The following MTUS1 variants were observed in gnomAD, a reference collection of about 807,000 sequenced individuals.
MTUS1 encodes microtubule-associated tumor suppressor 1.
In MTUS1, 109 loss-of-function variants were observed where a neutral mutation model predicts 120.8. That is an observed-to-expected ratio of 0.90 (90% CI 0.77 to 1.06). The LOEUF is 1.06. Ranked by LOEUF, MTUS1 falls within the 50% of genes least tolerant of loss-of-function variation. The probability of loss-of-function intolerance (pLI) is 0.00; values close to 1 mark genes in which losing one functional copy is unlikely to be tolerated. For missense variants in MTUS1, 2,210 were observed against 1,486.3 expected (o/e 1.49, Z -8.01); for synonymous variants, 737 against 550.5 (o/e 1.34, Z -4.74).
At chr8:17,798,011 T>C (rs1255255840) in intron 1 of MTUS1, among the ~76,000 whole-genome samples, 1 of 152,174 alleles carries the variant, frequency 6.6e-6, no homozygotes, top group African/African-American at 2.4e-5. Context: ...TGCAGTACAT[T>C]TGTCTGGACA....
intron 8 of MTUS1, among the ~76,000 whole-genome samples, chr8:17,660,149 G>C (rs1809360100): frequency 6.6e-6 from 1 of 152,162 alleles, no homozygotes; most frequent in Non-Finnish European, 1.5e-5. Flanking sequence ...AAGGCAAGCA[G>C]ATCGCTTGAG....
chr8:17,744,526 T>C (rs2047584325), intron 2 of MTUS1, among the ~76,000 whole-genome samples: 3 of 152,134 alleles, frequency 2.0e-5, no homozygotes. Flanking sequence ...GTTCAAGTGA[T>C]TCTCCTGCCT....
chr8:17,796,206 C>T (rs1317596609), intron 1 of MTUS1, among the ~76,000 whole-genome samples: 2 of 1,512 alleles, frequency 1.3e-3, no homozygotes, highest in African/African-American at 5.2e-3. Context: ...TTGGCTTGGC[C>T]TCCCAAAGTG....
chr8:17,775,048 C>T (rs960590247), intron 1 of MTUS1, among the ~76,000 whole-genome samples: 1 of 145,888 alleles, frequency 6.9e-6, no homozygotes, highest in Non-Finnish European at 1.5e-5. Flanking sequence ...CTGGAGTAGT[C>T]AAATGAATAG....
intron 12 of MTUS1, among the ~76,000 whole-genome samples, chr8:17,650,606 A>C (rs1806774084): frequency 6.6e-6 from 1 of 152,186 alleles, no homozygotes; most frequent in Admixed American, 6.6e-5. Flanking sequence ...GCTACTCAGG[A>C]GGCTGAGGCG....
At chr8:17,796,510 T>A (rs1008895715) in intron 1 of MTUS1, among the ~76,000 whole-genome samples, 1 of 152,208 alleles carries the variant, frequency 6.6e-6, no homozygotes, top group South Asian at 2.1e-4. Context: ...CTTCCTTGAT[T>A]GTGTAACATT....
intron 7 of MTUS1, among the ~76,000 whole-genome samples, chr8:17,682,044 G>A (rs1176911279): frequency 3.3e-5 from 5 of 152,028 alleles, no homozygotes; most frequent in South Asian, 4.2e-4. Flanking sequence ...TTTACATTTC[G>A]AATGCTCAGT....
At chr8:17,776,741 C>A (rs1027589592) in intron 1 of MTUS1, among the ~76,000 whole-genome samples, 4 of 139,824 alleles carry the variant, frequency 2.9e-5, no homozygotes, top group Non-Finnish European at 1.6e-5. Context: ...AGAAAGCATT[C>A]AATAAATGTT....
intron 7 of MTUS1, chr8:17,676,118 C>T (rs55645991): frequency 0.024 from 14,562 of 605,326 alleles, 235 homozygotes; most frequent in Non-Finnish European, 0.032. Context: ...AGACGGAGCT[C>T]CCACCACATC....
chr8:17,759,387 C>T lies in MTUS1; in HGVS notation c.-154-3426G>A, dbSNP rs1318420272. Among the ~76,000 whole-genome samples the T allele has an allele frequency of 5.9e-5, 9 of 151,558 alleles. No individual in the cohort carries two copies. The East Asian group carries it at 1.5e-3, about 26-fold the overall frequency. ...CAAGCGATCTTCCCACCTCAGCCTC[C>T]CGAGTAGCTGTGACTACAGGTATGT... On this transcript the variant is annotated intron_variant, in intron 1 of 14. Transcript: ENST00000693296.
intron 3 of MTUS1, among the ~76,000 whole-genome samples, chr8:17,731,190 G>C (rs2046550176): frequency 6.6e-6 from 1 of 152,140 alleles, no homozygotes; most frequent in African/African-American, 2.4e-5. Context: ...GTGGTATTAA[G>C]ATATTTGAAT....
intron 8 of MTUS1, among the ~76,000 whole-genome samples, chr8:17,665,904 G>A (rs1392776711): frequency 3.3e-5 from 5 of 152,034 alleles, no homozygotes; most frequent in African/African-American, 7.3e-5. Context: ...TCACAGGTGG[G>A]AAGACAATTC....
At chr8:17,718,847 A>G (rs958409957) in intron 4 of MTUS1, among the ~76,000 whole-genome samples, 1 of 151,676 alleles carries the variant, frequency 6.6e-6, no homozygotes, top group African/African-American at 2.4e-5. Context: ...AGGAAAGCCC[A>G]AGCAGAAGAC....
chr8:17,798,457 C>T (rs2052426250), intron 1 of MTUS1, among the ~76,000 whole-genome samples: 1 of 151,984 alleles, frequency 6.6e-6, no homozygotes, highest in Non-Finnish European at 1.5e-5. Flanking sequence ...CTCAGCGTCC[C>T]AAGTAGCTGA....
chr8:17,750,417 G>C (rs982173810), intron 2 of MTUS1, among the ~76,000 whole-genome samples: 2 of 152,168 alleles, frequency 1.3e-5, no homozygotes, highest in African/African-American at 4.8e-5. Context: ...CTTTTAAAAA[G>C]TAAGGCAAAC....
chr8:17,654,522 G>A (rs554121903), intron 10 of MTUS1, 39 bp downstream of exon 10: 1 of 1,307,078 alleles, frequency 7.7e-7, no homozygotes, highest in Admixed American at 1.7e-5. Context: ...GGTTCCTTCA[G>A]ATTTTATTCT....
chr8:17,778,336 G>A (rs2050615113), intron 1 of MTUS1, among the ~76,000 whole-genome samples: 2 of 152,166 alleles, frequency 1.3e-5, no homozygotes, highest in African/African-American at 4.8e-5. Context: ...TAAGGGAACA[G>A]GATTGGTGTT....
chr8:17,701,571 G>A (rs151252791), intron 6 of MTUS1, among the ~76,000 whole-genome samples: 109 of 151,572 alleles, frequency 7.2e-4, no homozygotes, highest in African/African-American at 1.1e-3. Flanking sequence ...TTTTTGAGAC[G>A]GAACCTCGGT....
chr8:17,689,537 A>C (rs989696420), intron 6 of MTUS1, among the ~76,000 whole-genome samples: 1 of 152,130 alleles, frequency 6.6e-6, no homozygotes, highest in Non-Finnish European at 1.5e-5. Flanking sequence ...GGCAGGAAAA[A>C]ACCAAATTTC....
Sources: gnomAD v4.1 joint callset for allele counts (sites outside exome capture counted in the v4.1 genomes callset) on GRCh38, gnomAD v4.1.1 for gene constraint, MANE v1.5 for transcripts, NCBI Gene and HGNC (gene_info 2026-07-23, HGNC 2026-07-21) for gene names.